The following CLIC5 variants were observed in gnomAD, a reference collection of about 807,000 sequenced individuals.
CLIC5 encodes the protein chloride intracellular channel protein 5.
In CLIC5, 20 loss-of-function variants were observed where a neutral mutation model predicts 24.7. The observed-to-expected ratio is 0.81, with a 90% confidence interval of 0.57 to 1.18. CLIC5 has a LOEUF of 1.18. CLIC5 is among the 50% of genes most tolerant of loss of function. The pLI is 0.00. For missense variants in CLIC5, 341 were observed against 326.1 expected, an observed-to-expected ratio of 1.05 and a Z score of -0.35; for synonymous variants, 159 against 135.6, an observed-to-expected ratio of 1.17 and a Z score of -1.20.
chr6:46,104,805 G>C, the CLIC5 span, among the ~76,000 whole-genome samples: 2 of 152,004 alleles, frequency 1.3e-5, no homozygotes, highest in Non-Finnish European at 2.9e-5. Context: ...CTAAATTAAA[G>C]AGCAAAAATC....
At chr6:45,920,392 G>A (rs1763208129) in intron 4 of CLIC5, 2 of 642,622 alleles carry the variant, frequency 3.1e-6, no homozygotes, top group South Asian at 7.1e-5. Context: ...TCTAGATATT[G>A]AGAAATACCT....
chr6:46,120,022 C>G, the CLIC5 span, among the ~76,000 whole-genome samples: 1 of 152,246 alleles, frequency 6.6e-6, no homozygotes, highest in African/African-American at 2.4e-5. Context: ...CATAGCCAAA[C>G]AAAAGGCAGC....
In CLIC5 at chr6:45,921,896, T is replaced by C. The variant is rs1471116637; in HGVS notation, c.407-7487A>G. Among the ~76,000 whole-genome samples the C allele has an allele frequency of 2.0e-5, 3 of 152,184 alleles. No individual in the cohort carries two copies. In the East Asian group the frequency reaches 5.8e-4, roughly 29 times the overall value. ...ACCAAGAACACTGGACTTGGCCTCATAGCCAGAGAGGAGGATGTTGTCAAA... is the reference window on the plus strand; with the variant it reads ...ACCAAGAACACTGGACTTGGCCTCACAGCCAGAGAGGAGGATGTTGTCAAA... On this transcript the variant is annotated intron_variant, in intron 4 of 5. Coordinates refer to ENST00000339561, the MANE Select transcript of CLIC5 (RefSeq NM_016929.5).
intron 4 of CLIC5, among the ~76,000 whole-genome samples, chr6:45,937,966 A>G (rs781051706): frequency 3.3e-5 from 5 of 152,168 alleles, no homozygotes; most frequent in Non-Finnish European, 5.9e-5. Context: ...GCAGAAAAGG[A>G]TCATGACCTG....
chr6:45,958,370 G>A lies in CLIC5; in HGVS notation c.64-3126C>T, dbSNP rs967282261. On this transcript the variant is annotated intron_variant, in intron 1 of 5. Transcript: ENST00000339561. ...TTTCTGCTGCTATCAGCTATACTAT[G>A]TATAGCAATTTCTTGGAAACTGATG... Among the ~76,000 whole-genome samples, 5 of 144,506 alleles carry A rather than the reference G, an allele frequency of 3.5e-5. No individual in the cohort carries two copies. The East Asian group carries it at 1.1e-3, about 31-fold the overall frequency. 94.8% of individuals were successfully genotyped at this position (144,506 alleles called of 152,430 possible). A position where few individuals can be genotyped will look rare whatever the true frequency, so the allele number is the denominator to read the frequency against.
chr6:46,069,725 G>A (rs932757652), intron 1 of CLIC5, among the ~76,000 whole-genome samples: 1 of 152,068 alleles, frequency 6.6e-6, no homozygotes, highest in African/African-American at 2.4e-5. Flanking sequence ...CATTCTATGA[G>A]GCCAACATCA....
At chr6:46,055,967 C>G (rs954487893) in intron 1 of CLIC5, among the ~76,000 whole-genome samples, 1 of 152,082 alleles carries the variant, frequency 6.6e-6, no homozygotes, top group East Asian at 1.9e-4. Flanking sequence ...ATAGGTACAG[C>G]CTTTGAATTG....
chr6:45,989,335 A>G (rs541023161), intron 1 of CLIC5, among the ~76,000 whole-genome samples: 3 of 152,322 alleles, frequency 2.0e-5, no homozygotes, highest in African/African-American at 2.4e-5. Context: ...AGAGCTCTAT[A>G]AATATTCTCA....
At chr6:45,963,830 T>C (rs1243389392) in intron 1 of CLIC5, among the ~76,000 whole-genome samples, 2 of 152,218 alleles carry the variant, frequency 1.3e-5, no homozygotes, top group Non-Finnish European at 2.9e-5. Context: ...AGTTACTAGA[T>C]ACTTGAGGTT....
chr6:45,951,837 G>A (rs1013275783), intron 2 of CLIC5, among the ~76,000 whole-genome samples: 11 of 152,122 alleles, frequency 7.2e-5, no homozygotes, highest in African/African-American at 2.7e-4. Context: ...ATCAGTTTGG[G>A]AGGGGAAGAG....
upstream of CLIC5, among the ~76,000 whole-genome samples, chr6:46,020,662 A>C (rs545052655): frequency 6.6e-6 from 1 of 152,168 alleles, no homozygotes; most frequent in Non-Finnish European, 1.5e-5. Flanking sequence ...AAAGATCAAT[A>C]AAGTTGATAA....
chr6:46,079,985 C>A (rs955366903), exon 1 of CLIC5: 4 of 1,551,544 alleles, frequency 2.6e-6, no homozygotes, highest in African/African-American at 1.4e-5. Context: ...CAGAGTATAT[C>A]TCATCAGGCA....
chr6:46,103,010 A>G, the CLIC5 span, among the ~76,000 whole-genome samples: 41 of 152,186 alleles, frequency 2.7e-4, no homozygotes, highest in African/African-American at 9.4e-4. Flanking sequence ...TCTTTGATTA[A>G]TTCTTTCTCA....
In CLIC5 at chr6:45,920,629, T is replaced by G. The variant is rs6921456; in HGVS notation, c.407-6220A>C. On this transcript the variant is annotated intron_variant, in intron 4 of 5. Coordinates refer to ENST00000339561, the MANE Select transcript of CLIC5 (RefSeq NM_016929.5). ...ACGTGATGGAAACAAAAAATAATAA[T>G]AAGAAGAATATCACCACTTACTCAT... The G allele has an allele frequency of 0.01, 9,591 of 929,624 alleles. 642 individuals carry two copies. In the African/African-American group the frequency reaches 0.14, roughly 14 times the overall value. 57.6% of individuals were successfully genotyped at this position (929,624 alleles called of 1,614,324 possible). A position where few individuals can be genotyped will look rare whatever the true frequency, so the allele number is the denominator to read the frequency against.
chr6:46,032,019 T>C (rs919371135), intron 1 of CLIC5, among the ~76,000 whole-genome samples: 3 of 151,508 alleles, frequency 2.0e-5, no homozygotes, highest in Admixed American at 2.0e-4. Flanking sequence ...AAATTGTAAA[T>C]AGTGGTGTAT....
intron 3 of CLIC5, among the ~76,000 whole-genome samples, chr6:45,943,355 T>C (rs978368673): frequency 1.9e-4 from 29 of 151,428 alleles, no homozygotes; most frequent in Non-Finnish European, 8.9e-5. Context: ...GAGGGGGTGC[T>C]TTGCACCGAT....
chr6:45,918,918 CTG>C, intron 4 of CLIC5: 1 of 982,856 alleles, frequency 1.0e-6, no homozygotes, highest in South Asian at 4.7e-5. Context: ...GATGAAGAAA[CTG>C]AGTCTTAGAC....
At chr6:46,001,372 G>A (rs1391473383) in intron 1 of CLIC5, among the ~76,000 whole-genome samples, 1 of 152,164 alleles carries the variant, frequency 6.6e-6, no homozygotes, top group Non-Finnish European at 1.5e-5. Context: ...CTCTGCCTGA[G>A]CTTAGCTGGG....
At chr6:46,059,614 C>CA (rs1762182851) in intron 1 of CLIC5, among the ~76,000 whole-genome samples, 2 of 152,146 alleles carry the variant, frequency 1.3e-5, no homozygotes, top group Non-Finnish European at 2.9e-5. Flanking sequence ...AATTCTATTT[C>CA]AGTGTTCCAA....
Sources: gnomAD v4.1 joint callset for allele counts (sites outside exome capture counted in the v4.1 genomes callset) on GRCh38, gnomAD v4.1.1 for gene constraint, MANE v1.5 for transcripts, NCBI Gene and HGNC (gene_info 2026-07-23, HGNC 2026-07-21) for gene names.